Variants in NPAS3 observed in about 807,000 individuals in gnomAD.
The protein encoded by NPAS3 is neuronal PAS domain-containing protein 3.
Under a neutral mutation model 73.1 loss-of-function variants are expected in NPAS3, and 14 were observed. The ratio of observed to expected loss-of-function variants is 0.19; its 90% CI spans 0.13 to 0.30. NPAS3 has a LOEUF of 0.30. Ranked by LOEUF, NPAS3 falls within the 10% of genes least tolerant of loss-of-function variation. The probability of loss-of-function intolerance (pLI) is 1.00; values close to 1 mark genes in which losing one functional copy is unlikely to be tolerated. For missense variants in NPAS3, 1,096 were observed against 1,250.0 expected, an observed-to-expected ratio of 0.88 and a Z score of 1.86; for synonymous variants, 620 against 541.5, an observed-to-expected ratio of 1.14 and a Z score of -2.01.
At position 33,751,456 on chromosome 14, in the gene NPAS3, A is replaced by AG. The variant is rs143153941; in HGVS notation, c.852+16127dup. Among the ~76,000 whole-genome samples the AG allele has an allele frequency of 7.8e-3, 1,190 of 152,292 alleles. 19 individuals carry two copies. Among genetic ancestry groups the AG allele is most frequent in the Non-Finnish European group, 8.5e-3 (581 of 68,016 alleles). ...ATATGATCCTAGAACCAGTAACTCA[A>AG]GGGAAAAAAAACTAAGACCTGTATG... is the stretch of plus-strand genomic sequence containing the variant. On this transcript the variant is annotated intron_variant, in intron 7 of 11. Coordinates refer to ENST00000356141, the Ensembl canonical transcript of NPAS3.
At chr14:33,780,501 A>G in intron 9 of NPAS3, 1 of 393,502 alleles carries the variant, frequency 2.5e-6, no homozygotes, top group African/African-American at 2.1e-5. Context: ...ATGCCTTCTC[A>G]TTTTGGAATC....
At chr14:33,785,056 C>A (rs527402116) in intron 9 of NPAS3, among the ~76,000 whole-genome samples, 1 of 151,928 alleles carries the variant, frequency 6.6e-6, no homozygotes, top group East Asian at 1.9e-4. Flanking sequence ...AGCCTAGTAG[C>A]TGCTTTTATA....
chr14:33,647,282 CTCTCTCTCTA>C (rs963841296), intron 5 of NPAS3, among the ~76,000 whole-genome samples: 9 of 151,188 alleles, frequency 6.0e-5, no homozygotes, highest in Non-Finnish European at 1.3e-4. Flanking sequence ...CTCTCTCTCT[CTCTCTCTCTA>C]TATATATATA....
At chr14:33,674,534 G>A (rs1022348005) in intron 5 of NPAS3, among the ~76,000 whole-genome samples, 7 of 152,152 alleles carry the variant, frequency 4.6e-5, no homozygotes, top group African/African-American at 1.2e-4. Context: ...GAGGCAAGGC[G>A]CACATTAAAG....
chr14:33,761,752 T>C (rs1355040722), intron 7 of NPAS3, among the ~76,000 whole-genome samples: 4 of 152,176 alleles, frequency 2.6e-5, no homozygotes, highest in Non-Finnish European at 4.4e-5. Context: ...AAAATATTTT[T>C]GTTCTTACGT....
chr14:33,298,370 T>C (rs1006747834), intron 3 of NPAS3, among the ~76,000 whole-genome samples: 1 of 152,198 alleles, frequency 6.6e-6, no homozygotes, highest in African/African-American at 2.4e-5. Context: ...TTTTTTTGTT[T>C]TGTTTAGTTT....
intron 1 of NPAS3, among the ~76,000 whole-genome samples, chr14:32,948,171 G>T (rs1264573444): frequency 6.6e-6 from 1 of 152,064 alleles, no homozygotes; most frequent in African/African-American, 2.4e-5. Context: ...ATCTTCATTT[G>T]CTATGAATTT....
intron 2 of NPAS3, among the ~76,000 whole-genome samples, chr14:33,203,307 CTTTT>C (rs1212077134): frequency 6.6e-6 from 1 of 151,994 alleles, no homozygotes; most frequent in African/African-American, 2.4e-5. Flanking sequence ...AGGACCATGT[CTTTT>C]TTTATTTTAT....
chr14:33,363,020 G>A, intron 3 of NPAS3, among the ~76,000 whole-genome samples: 1 of 152,154 alleles, frequency 6.6e-6, no homozygotes, highest in East Asian at 1.9e-4. Context: ...AAGGGAAAGA[G>A]CAGGGCACAA....
At chr14:33,074,472 A>G (rs2041591229) in intron 2 of NPAS3, among the ~76,000 whole-genome samples, 1 of 152,196 alleles carries the variant, frequency 6.6e-6, no homozygotes, top group Non-Finnish European at 1.5e-5. Flanking sequence ...GCTGGAGGGC[A>G]GTGGCATGAT....
At chr14:33,220,566 C>T (rs1264945626) in intron 3 of NPAS3, among the ~76,000 whole-genome samples, 1 of 152,180 alleles carries the variant, frequency 6.6e-6, no homozygotes, top group Non-Finnish European at 1.5e-5. Flanking sequence ...ATGTTTATAT[C>T]ACCGCATTTC....
chr14:33,469,536 A>G (rs17101309), intron 4 of NPAS3, among the ~76,000 whole-genome samples: 4,759 of 152,302 alleles, frequency 0.031, 99 homozygotes, highest in Middle Eastern at 0.061. Flanking sequence ...TTTACAGCAA[A>G]TACCAAGACC....
exon 12 of NPAS3, chr14:33,799,882 C>T (rs757590588): frequency 1.7e-5 from 27 of 1,614,062 alleles, no homozygotes; most frequent in African/African-American, 4.0e-5. Context: ...ACCCGGACAG[C>T]CGCGACAGCG....
At chr14:33,561,639 T>C (rs574344040) in intron 5 of NPAS3, among the ~76,000 whole-genome samples, 1 of 152,368 alleles carries the variant, frequency 6.6e-6, no homozygotes, top group South Asian at 2.1e-4. Flanking sequence ...ATCTTCAATT[T>C]TGAAATCGGT....
chr14:33,753,084 A>G (rs922659152), intron 7 of NPAS3, among the ~76,000 whole-genome samples: 1 of 152,214 alleles, frequency 6.6e-6, no homozygotes, highest in Non-Finnish European at 1.5e-5. Flanking sequence ...AGAACAGTTC[A>G]TTAGTGTGCT....
chr14:33,334,171 A>G (rs1454636860), intron 3 of NPAS3, among the ~76,000 whole-genome samples: 1 of 152,170 alleles, frequency 6.6e-6, no homozygotes, highest in Non-Finnish European at 1.5e-5. Flanking sequence ...TGTTATGTTC[A>G]TATTTATAAT....
chr14:33,297,069 A>G (rs1370411462), intron 3 of NPAS3, among the ~76,000 whole-genome samples: 2 of 152,196 alleles, frequency 1.3e-5, no homozygotes, highest in African/African-American at 4.8e-5. Flanking sequence ...GTAAAAATCA[A>G]AAGACTTTGA....
intron 4 of NPAS3, among the ~76,000 whole-genome samples, chr14:33,393,932 A>G (rs1476349787): frequency 6.6e-6 from 1 of 152,204 alleles, no homozygotes; most frequent in Non-Finnish European, 1.5e-5. Context: ...TGTTGTCTAT[A>G]TTATTACTTG....
chr14:33,227,132 C>T (rs971280348), intron 3 of NPAS3, among the ~76,000 whole-genome samples: 1 of 152,166 alleles, frequency 6.6e-6, no homozygotes, highest in Admixed American at 6.5e-5. Flanking sequence ...TGGATGTTCT[C>T]AGGGACGTTT....
Sources: allele counts gnomAD v4.1 joint callset (sites outside exome capture counted in the v4.1 genomes callset), GRCh38; gene constraint gnomAD v4.1.1; transcripts MANE v1.5; gene names NCBI Gene and HGNC (gene_info 2026-07-23, HGNC 2026-07-21).